PBRM1: variants seen among roughly 807,000 people sequenced by gnomAD.
PBRM1 encodes the protein protein polybromo-1.
PBRM1 carries 27 observed loss-of-function variants against 194.5 expected under a neutral mutation model. That is an observed-to-expected ratio of 0.14 (90% CI 0.10 to 0.19). The LOEUF (loss-of-function observed/expected upper bound fraction) is 0.19. Among genes scored for constraint, PBRM1 ranks in the 10% least tolerant of loss-of-function variants. The pLI, the probability that PBRM1 is intolerant of heterozygous loss-of-function variation, is 1.00. For missense variants in PBRM1, 1,466 were observed against 2,077.2 expected (o/e 0.71, Z 5.72); for synonymous variants, 655 against 693.2 (o/e 0.94, Z 0.87).
chr3:52,558,233 T>C lies in PBRM1; in HGVS notation c.4453+16A>G. The stretch of plus-strand genomic sequence containing the variant: ...TTCTTAAAGTGGAAAAAAATGGTCT[T>C]AGCTCCTGTTTTTACCTGCAACAGG... On this transcript the variant is annotated intron_variant, in intron 26 of 29. Coordinates refer to ENST00000296302, the Ensembl canonical transcript of PBRM1. The C allele has an allele frequency of 1.3e-6, 2 of 1,500,076 alleles. No homozygotes were observed. Among genetic ancestry groups the C allele is most frequent in the South Asian group, 2.5e-5 (2 of 79,218 alleles). The allele number at this position is 1,500,076 out of a possible 1,614,324, so 92.9% of individuals were successfully genotyped here.
At chr3:52,676,231 A>G (rs1376254482) in intron 2 of PBRM1, among the ~76,000 whole-genome samples, 2 of 152,130 alleles carry the variant, frequency 1.3e-5, no homozygotes, top group African/African-American at 4.8e-5. Flanking sequence ...TGTAAGAGCT[A>G]AAACTATAAA....
chr3:52,643,112 C>T (rs373818703), intron 9 of PBRM1, 136 bp downstream of exon 10: 13 of 683,516 alleles, frequency 1.9e-5, no homozygotes, highest in South Asian at 1.5e-4. Flanking sequence ...TTTAAATAAA[C>T]CATTTGACAA....
intron 17 of PBRM1, among the ~76,000 whole-genome samples, chr3:52,598,859 T>TA (rs771683646): frequency 6.6e-6 from 1 of 151,900 alleles, no homozygotes; most frequent in Non-Finnish European, 1.5e-5. Flanking sequence ...CCGTCTCTAC[T>TA]AAAAATACAA....
intron 17 of PBRM1, among the ~76,000 whole-genome samples, chr3:52,589,501 A>G (rs2092795962): frequency 6.6e-6 from 1 of 152,236 alleles, no homozygotes. Flanking sequence ...AAGGATGTAG[A>G]GAATAAAAAC....
At chr3:52,673,270 G>A (rs1453992359) in intron 2 of PBRM1, among the ~76,000 whole-genome samples, 1 of 151,822 alleles carries the variant, frequency 6.6e-6, no homozygotes, top group Non-Finnish European at 1.5e-5. Flanking sequence ...TTACAGGCAT[G>A]AGCCACCGCG....
chr3:52,611,837 AACCCCAC>A (rs1239800527), intron 15 of PBRM1, among the ~76,000 whole-genome samples: 2 of 151,942 alleles, frequency 1.3e-5, no homozygotes, highest in Non-Finnish European at 2.9e-5. Context: ...ACACACAAAA[AACCCCAC>A]AACATATGGA....
In PBRM1 at chr3:52,609,554, A is replaced by T; in HGVS notation, c.2326T>A (p.Leu776Met). ...TTGTGGATAAGCTCTTGAATCAGCAAAGTCACATTTGGGACATGAGAGTCC... is the reference window on the plus strand; with the variant it reads ...TTGTGGATAAGCTCTTGAATCAGCATAGTCACATTTGGGACATGAGAGTCC... Residue 776 changes from leucine to methionine, a missense_variant, in exon 16 of 30, where the codon TTG becomes ATG. By Grantham distance (15) the Leu-to-Met change is conservative. Around this residue, in one of 5 missense-constraint regions of PBRM1, gnomAD observed 687 missense variants for 946.2 expected, o/e 0.73. Coordinates refer to ENST00000296302, the Ensembl canonical transcript of PBRM1. The surrounding 1 kb of genome is among the most constrained non-coding windows in gnomAD (Gnocchi z 4.1). The T allele has an allele frequency of 6.2e-7, 1 of 1,614,016 alleles. No homozygotes were observed. The highest frequency in any genetic ancestry group is 8.5e-7 in the Non-Finnish European group (1 of 1,179,922).
intron 6 of PBRM1, among the ~76,000 whole-genome samples, chr3:52,651,092 A>G (rs1314531248): frequency 6.6e-6 from 1 of 152,176 alleles, no homozygotes; most frequent in Non-Finnish European, 1.5e-5. Context: ...TCTAACTTGT[A>G]AAATGGGAAT....
At chr3:52,556,249 GACTA>G (rs1275767449) in intron 26 of PBRM1, among the ~76,000 whole-genome samples, 2 of 152,112 alleles carry the variant, frequency 1.3e-5, no homozygotes, top group African/African-American at 2.4e-5. Flanking sequence ...TACCTAAGCT[GACTA>G]ACTTACAATT....
downstream of PBRM1, chr3:52,547,075 G>A (rs1421424314): frequency 4.3e-6 from 1 of 232,972 alleles, no homozygotes; most frequent in Non-Finnish European, 8.5e-6. Context: ...CCCATGTTAG[G>A]TTAGGTGTTA....
At chr3:52,665,912 A>C (rs903025478) in intron 3 of PBRM1, among the ~76,000 whole-genome samples, 4 of 152,182 alleles carry the variant, frequency 2.6e-5, no homozygotes, top group Admixed American at 2.6e-4. Context: ...GAATTATTCT[A>C]AAGTCTTCGT....
In PBRM1 at chr3:52,625,059, A is replaced by C. The variant is rs1025132625; in HGVS notation, c.1541+2214T>G. On this transcript the variant is annotated intron_variant, in intron 13 of 29. Transcript: ENST00000296302. ...GATTATTCAGTCCAAAGTACCAAAG[A>C]CAATATTTGAAACATTTCAACAAGG... 22 of 730,038 alleles carry C rather than the reference A, an allele frequency of 3.0e-5. No homozygotes were observed. In the Admixed American group the frequency reaches 4.9e-4, roughly 16 times the overall value. 45.2% of individuals were successfully genotyped at this position (730,038 alleles called of 1,614,324 possible).
chr3:52,677,619 G>T (rs547362126), intron 2 of PBRM1, among the ~76,000 whole-genome samples: 2 of 152,074 alleles, frequency 1.3e-5, no homozygotes, highest in Non-Finnish European at 2.9e-5. Context: ...CACCACGTTG[G>T]CCAGGCTGGT....
rs770143552 is a variant in PBRM1 at position 52,586,551 on chromosome 3, A to G, written c.3261T>C (p.Pro1087=). 5.0e-6 allele frequency: 8 copies of G among 1,614,038 alleles called. No individual in the cohort carries two copies. The South Asian group carries it at 8.8e-5, about 18-fold the overall frequency. The stretch of plus-strand genomic sequence containing the variant: ...GAACCACAGGCAGAGGCACATCCCG[A>G]GGGACAAACCTGACTGAGCTGATGG... Residue 1087 remains proline, a synonymous_variant, in exon 20 of 30, where the codon CCT becomes CCC. Coordinates refer to ENST00000296302, the Ensembl canonical transcript of PBRM1.
chr3:52,651,464 C>T (rs2096491298), intron 6 of PBRM1, among the ~76,000 whole-genome samples: 1 of 151,962 alleles, frequency 6.6e-6, no homozygotes, highest in Non-Finnish European at 1.5e-5. Context: ...TGCTATGCAC[C>T]CACAAAAATA....
At chr3:52,568,458 T>C (rs929805173) in intron 22 of PBRM1, among the ~76,000 whole-genome samples, 5 of 152,238 alleles carry the variant, frequency 3.3e-5, no homozygotes, top group East Asian at 1.9e-4. Flanking sequence ...GTTTTGGTCA[T>C]ATAGATATTT....
chr3:52,551,707 T>G (rs2081022794), intron 27 of PBRM1: 1 of 152,200 alleles, frequency 6.6e-6, no homozygotes, highest in Admixed American at 6.5e-5. Context: ...CCTAAAACTG[T>G]GGTGAACTGT....
At chr3:52,604,577 T>C (rs994925732) in intron 16 of PBRM1, among the ~76,000 whole-genome samples, 1 of 151,922 alleles carries the variant, frequency 6.6e-6, no homozygotes, top group African/African-American at 2.4e-5. Context: ...CTTGCAGTCC[T>C]AGCTATCCGG....
intron 17 of PBRM1, among the ~76,000 whole-genome samples, chr3:52,593,519 G>C (rs976101664): frequency 5.3e-5 from 8 of 152,190 alleles, no homozygotes; most frequent in Admixed American, 1.3e-4. Context: ...TTATAGGCAT[G>C]AGCCACCGTG....
Sources: gnomAD v4.1 joint callset for allele counts (sites outside exome capture counted in the v4.1 genomes callset) on GRCh38, gnomAD v4.1.1 for gene constraint, gnomAD v4.1.1 regional missense constraint, Gnocchi (gnomAD v3.1) non-coding constraint, MANE v1.5 for transcripts, NCBI Gene and HGNC (gene_info 2026-07-23, HGNC 2026-07-21) for gene names.